The following ROBO2 variants were observed in gnomAD, a reference collection of about 807,000 sequenced individuals.
ROBO2 encodes the protein roundabout homolog 2.
A neutral mutation model predicts 160.8 loss-of-function variants in ROBO2; 53 were observed. The observed-to-expected ratio is 0.33, with a 90% CI of 0.26 to 0.41. The LOEUF is 0.41. Ranked by LOEUF, ROBO2 falls within the 10% of genes least tolerant of loss-of-function variation. The probability of loss-of-function intolerance (pLI) is 1.00; values close to 1 mark genes in which losing one functional copy is unlikely to be tolerated. For synonymous variants in ROBO2, 664 were observed against 611.7 expected (o/e 1.09, Z -1.26); for missense variants, 1,577 against 1,722.4 (o/e 0.92, Z 1.49).
At chr3:76,938,883 A>C (rs1329791535) in intron 2 of ROBO2, among the ~76,000 whole-genome samples, 1 of 151,222 alleles carries the variant, frequency 6.6e-6, no homozygotes, top group Non-Finnish European at 1.5e-5. Flanking sequence ...AGGCAGGAGA[A>C]TCGCTTAAAC....
intron 2 of ROBO2, among the ~76,000 whole-genome samples, chr3:76,728,908 TTG>T (rs1222757724): frequency 2.5e-5 from 1 of 39,490 alleles, no homozygotes; most frequent in Non-Finnish European, 5.1e-5. Context: ...TGACCATAAG[TTG>T]TTTTTTTTTT....
chr3:76,249,304 G>A (rs895737743), intron 2 of ROBO2, among the ~76,000 whole-genome samples: 3 of 152,086 alleles, frequency 2.0e-5, no homozygotes, highest in Non-Finnish European at 2.9e-5. Flanking sequence ...GTCAGGACTT[G>A]AGCGGTTAAA....
intron 2 of ROBO2, among the ~76,000 whole-genome samples, chr3:76,704,875 T>A (rs1480031266): frequency 6.8e-6 from 1 of 147,058 alleles, no homozygotes; most frequent in Non-Finnish European, 1.5e-5. Flanking sequence ...ATAATGAAGG[T>A]GTTTTTGATT....
intron 2 of ROBO2, among the ~76,000 whole-genome samples, chr3:76,307,106 G>A (rs142813031): frequency 0.01 from 1,594 of 152,266 alleles, 10 homozygotes; most frequent in Non-Finnish European, 0.014. Flanking sequence ...TCCACACCCA[G>A]CCACACTGCC....
intron 2 of ROBO2, among the ~76,000 whole-genome samples, chr3:76,970,541 T>C (rs2059524233): frequency 6.6e-6 from 1 of 152,124 alleles, no homozygotes; most frequent in Non-Finnish European, 1.5e-5. Context: ...CGGCTTCCAT[T>C]TTCACCAGCT....
rs2093716644 is a variant in ROBO2 at position 77,574,614 on chromosome 3, G to A, written c.2087G>A (p.Ser696Asn). 3 of 1,613,418 alleles carry A rather than the reference G, an allele frequency of 1.9e-6. No homozygotes were observed. Among genetic ancestry groups the A allele is most frequent in the Non-Finnish European group, 2.5e-6 (3 of 1,179,618 alleles). ...GATGCCAAAGTCCCGACTGAACGAA[G>A]TGCTGTCTTAGTCAACCTGAAAAAG... Residue 696 changes from serine to asparagine, a missense_variant, in exon 14 of 26, where the codon AGT becomes AAT. Physicochemically the swap from Ser to Asn is conservative, Grantham distance 46. This residue lies in a region of ROBO2 where 940 missense variants were observed against 1,135.5 expected (regional missense o/e 0.83). Transcript: ENST00000461745.
chr3:76,621,644 T>C (rs1349285299), intron 2 of ROBO2, among the ~76,000 whole-genome samples: 1 of 152,224 alleles, frequency 6.6e-6, no homozygotes, highest in South Asian at 2.1e-4. Flanking sequence ...CCACTTCATA[T>C]GTGTTACTGT....
At chr3:76,187,931 G>A (rs988800534) in intron 2 of ROBO2, among the ~76,000 whole-genome samples, 16 of 152,076 alleles carry the variant, frequency 1.1e-4, no homozygotes, top group African/African-American at 3.9e-4. Context: ...CTCTTAGTAA[G>A]ATTTAAAAGC....
At chr3:76,884,105 T>C (rs1373494138) in intron 2 of ROBO2, among the ~76,000 whole-genome samples, 1 of 152,238 alleles carries the variant, frequency 6.6e-6, no homozygotes, top group Non-Finnish European at 1.5e-5. Flanking sequence ...AAGTAGCACA[T>C]CTTCATATGC....
At chr3:77,559,846 G>A (rs926500980) in intron 9 of ROBO2, among the ~76,000 whole-genome samples, 5 of 151,820 alleles carry the variant, frequency 3.3e-5, no homozygotes, top group East Asian at 3.9e-4. Context: ...ATTAATTATT[G>A]CTTTAAATAG....
intron 19 of ROBO2, among the ~76,000 whole-genome samples, chr3:77,598,517 ATATATATGTG>A (rs1181755390): frequency 9.8e-6 from 1 of 101,712 alleles, no homozygotes; most frequent in Non-Finnish European, 2.1e-5. Context: ...ACACACATAT[ATATATATGTG>A]TATATATATA....
chr3:76,069,815 G>T (rs1285307385), intron 2 of ROBO2, among the ~76,000 whole-genome samples: 3 of 152,098 alleles, frequency 2.0e-5, no homozygotes, highest in African/African-American at 7.2e-5. Context: ...CCTGAACGAA[G>T]GGACCGGCTG....
intron 2 of ROBO2, among the ~76,000 whole-genome samples, chr3:76,702,327 T>C (rs565452442): frequency 1.3e-5 from 2 of 152,156 alleles, no homozygotes; most frequent in South Asian, 4.1e-4. Flanking sequence ...TTCTAACCTA[T>C]GTATCAAGAG....
chr3:77,563,070 T>A (rs897178478), intron 10 of ROBO2, 97 bp from the exon 12 acceptor site: 1 of 1,112,500 alleles, frequency 9.0e-7, no homozygotes, highest in African/African-American at 1.5e-5. Flanking sequence ...TTTCTCACTG[T>A]CTAGGTCAGG....
chr3:77,640,748 T>A (rs2095339704), intron 24 of ROBO2, among the ~76,000 whole-genome samples: 1 of 152,256 alleles, frequency 6.6e-6, no homozygotes, highest in African/African-American at 2.4e-5. Flanking sequence ...GTAAATGTAT[T>A]TGATTACATA....
At chr3:76,521,577 T>G (rs1280230394) in intron 2 of ROBO2, among the ~76,000 whole-genome samples, 2 of 152,164 alleles carry the variant, frequency 1.3e-5, no homozygotes, top group Non-Finnish European at 1.5e-5. Context: ...CATCAAACTC[T>G]GCAAGCCTCA....
intron 2 of ROBO2, among the ~76,000 whole-genome samples, chr3:76,100,766 A>G (rs996322420): frequency 6.6e-6 from 1 of 152,102 alleles, no homozygotes; most frequent in African/African-American, 2.4e-5. Context: ...GATAAGAGCA[A>G]ATTGCTTTAT....
At chr3:77,532,934 A>G (rs2091853564) in intron 6 of ROBO2, among the ~76,000 whole-genome samples, 1 of 152,024 alleles carries the variant, frequency 6.6e-6, no homozygotes, top group African/African-American at 2.4e-5. Flanking sequence ...ATCTCTCTTT[A>G]ATTAATTATG....
rs538959255 is a variant in ROBO2 at position 77,140,699 on chromosome 3, A to C, written c.388+42359A>C. Among the ~76,000 whole-genome samples the C allele has an allele frequency of 3.9e-5, 6 of 152,308 alleles. No homozygotes were observed. In the South Asian group the frequency reaches 1.2e-3, roughly 32 times the overall value. The stretch of plus-strand genomic sequence containing the variant: ...ACTCCCAACACTTTGTCCTCCCAGA[A>C]TATGATATGAGGTTAAAATTTAGCC... On this transcript the variant is annotated intron_variant, in intron 2 of 25. Transcript: ENST00000461745.
Sources: gnomAD v4.1 joint callset for allele counts (sites outside exome capture counted in the v4.1 genomes callset) on GRCh38, gnomAD v4.1.1 for gene constraint, gnomAD v4.1.1 regional missense constraint, MANE v1.5 for transcripts, NCBI Gene and HGNC (gene_info 2026-07-23, HGNC 2026-07-21) for gene names.